The following CREG1 variants were observed in gnomAD, a reference collection of about 807,000 sequenced individuals.
The protein encoded by CREG1 is cellular repressor of E1A stimulated genes 1.
CREG1 carries 20 observed loss-of-function variants against 19.9 expected under a neutral mutation model. The ratio of observed to expected loss-of-function variants is 1.01; its 90% CI spans 0.71 to 1.46. The LOEUF is 1.46. CREG1 is among the 40% of genes most tolerant of loss of function. The probability of loss-of-function intolerance (pLI) is 0.00; values close to 1 mark genes in which losing one functional copy is unlikely to be tolerated. For missense variants in CREG1, 290 were observed against 314.9 expected, an observed-to-expected ratio of 0.92 and a Z score of 0.60; for synonymous variants, 141 against 143.3, an observed-to-expected ratio of 0.98 and a Z score of 0.12.
Position 167,546,129 on chromosome 1 carries a change from G to C in CREG1, c.631C>G (p.Pro211Ala). 1 of 1,608,346 alleles carries C rather than the reference G, an allele frequency of 6.2e-7. No homozygotes were observed. ...ACTGTGACATTATAATATTCTTCTG[G>C]TGTCACGATTTTTGGTCCACCAAAG... ...DYFGGPKIVT[P>A]EEYYNVTVQ Residue 211 changes from proline to alanine, a missense_variant, in exon 3 of 4, where the codon CCA becomes GCA. Physicochemically the swap from Pro to Ala is conservative, Grantham distance 27. Coordinates refer to ENST00000370509, the MANE Select transcript of CREG1 (RefSeq NM_003851.3).
At chr1:167,542,366 C>T in intron 3 of CREG1, 65 bp from the exon 4 acceptor site, 4 of 1,472,852 alleles carry the variant, frequency 2.7e-6, no homozygotes, top group Non-Finnish European at 3.7e-6. Flanking sequence ...AAAATTAATT[C>T]ATTCTAGGGA....
At chr1:167,544,035 G>A (rs963409299) in intron 3 of CREG1, among the ~76,000 whole-genome samples, 6 of 152,192 alleles carry the variant, frequency 3.9e-5, no homozygotes, top group African/African-American at 1.2e-4. Flanking sequence ...CTTTAACTTC[G>A]AAGAGCAGGC....
chr1:167,549,022 C>G (rs184319813), intron 1 of CREG1, among the ~76,000 whole-genome samples: 58 of 152,230 alleles, frequency 3.8e-4, no homozygotes, highest in African/African-American at 1.3e-3. Flanking sequence ...CAGCATAGAC[C>G]AGAGTGATAG....
At chr1:167,543,888 T>G (rs926044893) in intron 3 of CREG1, among the ~76,000 whole-genome samples, 2 of 152,240 alleles carry the variant, frequency 1.3e-5, no homozygotes, top group African/African-American at 4.8e-5. Flanking sequence ...CTCAAAAGTA[T>G]CTGTTTTACT....
chr1:167,544,379 A>AAC (rs1377407846), intron 3 of CREG1, among the ~76,000 whole-genome samples: 1 of 152,064 alleles, frequency 6.6e-6, no homozygotes, highest in East Asian at 1.9e-4. Context: ...TCAATAGTTC[A>AAC]ACACGGAATT....
At chr1:167,544,327 T>C (rs2102149041) in intron 3 of CREG1, among the ~76,000 whole-genome samples, 1 of 141,968 alleles carries the variant, frequency 7.0e-6, no homozygotes, top group Non-Finnish European at 1.6e-5. Context: ...TAAAAAAAAT[T>C]AGAAACAAAA....
intron 1 of CREG1, 82 bp from the exon 2 acceptor site, chr1:167,548,203 GT>G (rs1656362641): frequency 1.8e-6 from 2 of 1,123,012 alleles, no homozygotes; most frequent in Non-Finnish European, 2.6e-6. Context: ...CATACATGAT[GT>G]CCCTAGAGCT....
At chr1:167,545,784 GAC>G in intron 3 of CREG1, among the ~76,000 whole-genome samples, 1 of 151,590 alleles carries the variant, frequency 6.6e-6, no homozygotes, top group South Asian at 2.1e-4. Context: ...CAGCCTGGGT[GAC>G]AGAGTAAGAC....
At chr1:167,549,531 T>A (rs1011539734) in intron 1 of CREG1, among the ~76,000 whole-genome samples, 1 of 152,070 alleles carries the variant, frequency 6.6e-6, no homozygotes, top group African/African-American at 2.4e-5. Context: ...ATTACTGGTG[T>A]GTGCCACCAC....
In CREG1 at chr1:167,553,523, G is replaced by A; in HGVS notation, c.219C>T (p.Thr73=). ...THVSDWGALA[T]ISTLEAVRGR... Reference sequence around the variant, plus strand: ...CGCGCACCGCCTCCAGCGTGGAGATGGTGGCCAGAGCGCCCCAGTCGGAGA... The same window carrying A: ...CGCGCACCGCCTCCAGCGTGGAGATAGTGGCCAGAGCGCCCCAGTCGGAGA... The change falls in exon 1 of 4, where the codon ACC becomes ACT. Residue 73 remains threonine (T), a synonymous_variant. Transcript: ENST00000370509. The A allele has an allele frequency of 6.7e-7, 1 of 1,487,924 alleles. No individual in the cohort carries two copies. The highest frequency in any genetic ancestry group is 2.9e-5 in the East Asian group (1 of 34,344). 92.2% of individuals were successfully genotyped at this position (1,487,924 alleles called of 1,614,324 possible).
chr1:167,552,647 G>A (rs1656440164), intron 1 of CREG1, among the ~76,000 whole-genome samples: 1 of 152,244 alleles, frequency 6.6e-6, no homozygotes, highest in South Asian at 2.1e-4. Context: ...CTTGCTGCAG[G>A]AGGGAAAAGC....
At chr1:167,552,621 T>C (rs143643120) in intron 1 of CREG1, among the ~76,000 whole-genome samples, 2,191 of 152,314 alleles carry the variant, frequency 0.014, 48 homozygotes, top group African/African-American at 0.05. Flanking sequence ...TCGTCCATGA[T>C]ATTGTACGTT....
chr1:167,544,296 G>A (rs1196862094), intron 3 of CREG1, among the ~76,000 whole-genome samples: 1 of 151,844 alleles, frequency 6.6e-6, no homozygotes, highest in East Asian at 1.9e-4. Flanking sequence ...GACACACACT[G>A]TCCTAGGCCC....
chr1:167,547,294 T>C (rs1012030431), intron 2 of CREG1, among the ~76,000 whole-genome samples: 2 of 152,194 alleles, frequency 1.3e-5, no homozygotes, highest in Non-Finnish European at 2.9e-5. Context: ...TTGGCCTACT[T>C]AATATGTTTT....
chr1:167,543,495 C>A (rs1398143255), intron 3 of CREG1, among the ~76,000 whole-genome samples: 1 of 152,200 alleles, frequency 6.6e-6, no homozygotes, highest in Non-Finnish European at 1.5e-5. Context: ...CCGATCTGGG[C>A]AAGCCAAGCA....
At chr1:167,552,962 G>T (rs1558048883) in intron 1 of CREG1, among the ~76,000 whole-genome samples, 1 of 151,566 alleles carries the variant, frequency 6.6e-6, no homozygotes, top group Admixed American at 6.6e-5. Flanking sequence ...CACGAGAATC[G>T]CTTGAACCTG....
Position 167,553,444 on chromosome 1 carries a change from T to G in CREG1, c.298A>C (p.Ser100Arg). ...CTCAGGTAGAAATAGGGCACGCCGCTGCCCGCGCCCGGGGGCCCGTCGCTG... is the reference window on the plus strand; with the variant it reads ...CTCAGGTAGAAATAGGGCACGCCGCGGCCCGCGCCCGGGGGCCCGTCGCTG... ...SLSDGPPGAG[S>R]GVPYFYLSPL... is the part of the protein sequence containing the mutation. The change falls in exon 1 of 4, where the codon AGC becomes CGC. Residue 100 changes from serine (S) to arginine (R), a missense_variant. Coordinates refer to ENST00000370509, the MANE Select transcript of CREG1 (RefSeq NM_003851.3). 2 of 1,479,972 alleles carry G rather than the reference T, an allele frequency of 1.4e-6. No individual in the cohort carries two copies. The highest frequency in any genetic ancestry group is 1.8e-6 in the Non-Finnish European group (2 of 1,122,472). The allele number at this position is 1,479,972 out of a possible 1,614,324, so 91.7% of individuals were successfully genotyped here. A position where few individuals can be genotyped will look rare whatever the true frequency, so the allele number is the denominator to read the frequency against.
rs187399199 is a variant in CREG1 at position 167,547,548 on chromosome 1, A to G, written c.474+454T>C. ...CAACTTATTAAAACGTTTGGTTTTC[A>G]TGGAATTACTTCACCTATTAGAATA... On this transcript the variant is annotated intron_variant, in intron 2 of 3. Coordinates refer to ENST00000370509, the MANE Select transcript of CREG1 (RefSeq NM_003851.3). Among the ~76,000 whole-genome samples, 11 of 152,320 alleles carry G rather than the reference A, an allele frequency of 7.2e-5. No homozygotes were observed. In the East Asian group the frequency reaches 1.7e-3, roughly 24 times the overall value.
chr1:167,542,256 T>C lies in CREG1; in HGVS notation c.*42A>G, dbSNP rs1553240996. On this transcript the variant is annotated 3_prime_UTR_variant, in exon 4 of 4. Transcript: ENST00000370509. ...CCTTTTAAGTGTGTATGAGCCACTT[T>C]AAGAAACTTCATAAGTGTTGCTAAA... 6.3e-6 allele frequency: 10 copies of C among 1,581,136 alleles called. No homozygotes were observed. Among genetic ancestry groups the C allele is most frequent in the Admixed American group, 3.7e-5 (2 of 53,386 alleles).
Sources: allele counts gnomAD v4.1 joint callset (sites outside exome capture counted in the v4.1 genomes callset), GRCh38; gene constraint gnomAD v4.1.1; transcripts MANE v1.5; gene names NCBI Gene and HGNC (gene_info 2026-07-23, HGNC 2026-07-21).